IKBKG: variants seen among roughly 807,000 people sequenced by gnomAD.
IKBKG encodes NF-kappa-B essential modulator.
IKBKG carries 2 observed loss-of-function variants against 13.7 expected under a neutral mutation model. The ratio of observed to expected loss-of-function variants is 0.15; its 90% confidence interval spans 0.06 to 0.46. The LOEUF (loss-of-function observed/expected upper bound fraction) is 0.46, where lower values mean the gene tolerates loss of function less well. Among genes scored for constraint, IKBKG ranks in the 20% least tolerant of loss-of-function variants. IKBKG has a pLI of 0.98. For missense variants in IKBKG, 53 were observed against 150.3 expected (o/e 0.35, Z 3.39); for synonymous variants, 22 against 64.4 (o/e 0.34, Z 3.15).
At chrX:154,550,905 C>CA (rs1399176518) in intron 1 of IKBKG, among the ~76,000 whole-genome samples, 4 of 109,914 alleles carry the variant, frequency 3.6e-5, no homozygotes, top group African/African-American at 1.3e-4. Context: ...TCCTGCCTCC[C>CA]GGGTTCACGC....
upstream of IKBKG, among the ~76,000 whole-genome samples, chrX:154,542,993 TG>T (rs2070564877): frequency 8.9e-6 from 1 of 112,164 alleles, no homozygotes; most frequent in East Asian, 2.8e-4. Flanking sequence ...GCTGCTTTCC[TG>T]GAACAGCAGA....
chrX:154,546,131 G>A (rs1273138455), upstream of IKBKG: 3 of 1,210,484 alleles, frequency 2.5e-6, no homozygotes, highest in East Asian at 3.0e-5. Context: ...ACCTGGGTCC[G>A]GCTCAGGGCC....
upstream of IKBKG, among the ~76,000 whole-genome samples, chrX:154,544,357 T>C (rs2070626957): frequency 9.0e-6 from 1 of 110,616 alleles, no homozygotes; most frequent in Non-Finnish European, 1.9e-5. Context: ...AGATGGGGTT[T>C]CACCATGTTG....
intron 1 of IKBKG, among the ~76,000 whole-genome samples, chrX:154,550,184 C>G (rs972697540): frequency 2.8e-5 from 3 of 107,261 alleles, no homozygotes; most frequent in Non-Finnish European, 5.8e-5. Flanking sequence ...GTGATCAGAT[C>G]GGTTGGGGGA....
At chrX:154,546,440 C>T (rs1330755106), upstream of IKBKG, among the ~76,000 whole-genome samples, 1 of 112,296 alleles carries the variant, frequency 8.9e-6, no homozygotes, top group Non-Finnish European at 1.9e-5. Flanking sequence ...CAATTCTGGA[C>T]AACCGAGTAA....
chrX:154,541,656 G>A (rs2070509446), intron 1 of IKBKG, among the ~76,000 whole-genome samples: 1 of 111,908 alleles, frequency 8.9e-6, no homozygotes, highest in Non-Finnish European at 1.9e-5. Context: ...GCAGTTGGGA[G>A]CTTCTCATCT....
chrX:154,555,148 C>T (rs1453113691), intron 2 of IKBKG, among the ~76,000 whole-genome samples: 4 of 111,944 alleles, frequency 3.6e-5, no homozygotes, highest in African/African-American at 1.3e-4. Context: ...GTTCTTGTCT[C>T]TGTTCACTAT....
chrX:154,563,181 G>A (rs1295338926), intron 7 of IKBKG, among the ~76,000 whole-genome samples: 7 of 29,531 alleles, frequency 2.4e-4, no homozygotes, highest in African/African-American at 8.8e-4. Context: ...GGCGCCTGCC[G>A]CCATGCCCGT....
chrX:154,542,236 G>T lies in IKBKG; in HGVS notation c.-186-46G>T, dbSNP rs968332220. On this transcript the variant is annotated intron_variant, in intron 1 of 10. Transcript: ENST00000422680. ...CATCCCTCCCACAGGCCCATCATTG[G>T]GATGCGTCCTGAACGCCCATCAAGC... 5.1e-6 allele frequency: 5 copies of T among 988,440 alleles called. No homozygotes were observed. The African/African-American group carries it at 9.7e-5, about 19-fold the overall frequency. The allele number at this position is 988,440 out of a possible 1,213,427, so 81.5% of individuals were successfully genotyped here. A position where few individuals can be genotyped will look rare whatever the true frequency, so the allele number is the denominator to read the frequency against.
chrX:154,545,919 G>A, upstream of IKBKG: 1 of 925,328 alleles, frequency 1.1e-6, no homozygotes, highest in Non-Finnish European at 1.5e-6. Context: ...TAGCAGGAGC[G>A]GGAGGAGGAG....
chrX:154,545,545 C>T (rs1355069713), upstream of IKBKG, among the ~76,000 whole-genome samples: 3 of 111,837 alleles, frequency 2.7e-5, no homozygotes, highest in Non-Finnish European at 1.9e-5. Context: ...GGTTCAGAAA[C>T]GTCCTGCAGC....
upstream of IKBKG, chrX:154,542,491 C>G (rs2070543724): frequency 1.8e-6 from 2 of 1,140,722 alleles, no homozygotes; most frequent in African/African-American, 1.9e-5. Context: ...GGGTGGGAGT[C>G]CTGAGAAGGC....
upstream of IKBKG, among the ~76,000 whole-genome samples, chrX:154,543,373 A>T: frequency 8.9e-6 from 1 of 112,416 alleles, no homozygotes; most frequent in Non-Finnish European, 1.9e-5. Context: ...GGAAAAGCCT[A>T]AGGACCCTGG....
intron 1 of IKBKG, chrX:154,548,038 A>G (rs1401658150): frequency 1.5e-5 from 11 of 753,877 alleles, no homozygotes; most frequent in Non-Finnish European, 1.7e-5. Context: ...ACTGCGCTCT[A>G]TCGAGGTCGT....
intron 2 of IKBKG, among the ~76,000 whole-genome samples, chrX:154,554,213 G>A (rs1456574937): frequency 8.9e-6 from 1 of 112,231 alleles, no homozygotes; most frequent in African/African-American, 3.2e-5. Flanking sequence ...AGAGATTCAC[G>A]AAGAAGTTGC....
chrX:154,548,205 C>A, intron 1 of IKBKG: 2 of 547,551 alleles, frequency 3.7e-6, no homozygotes, highest in Non-Finnish European at 4.4e-6. Context: ...AGGAATAGCA[C>A]GGAGGTCACT....
At chrX:154,545,894 A>ATGATCC, upstream of IKBKG, 3 of 711,759 alleles carry the variant, frequency 4.2e-6, no homozygotes, top group Non-Finnish European at 6.4e-6. Flanking sequence ...TAGAGCCGGG[A>ATGATCC]TGATCCTGGC....
chrX:154,551,708 C>T (rs782687795), intron 1 of IKBKG, among the ~76,000 whole-genome samples: 5 of 111,223 alleles, frequency 4.5e-5, no homozygotes, highest in African/African-American at 1.6e-4. Flanking sequence ...CTGACATCTC[C>T]CTCCACAAAC....
At chrX:154,546,631 G>A (rs782224016), upstream of IKBKG, among the ~76,000 whole-genome samples, 1 of 111,777 alleles carries the variant, frequency 8.9e-6, no homozygotes, top group Non-Finnish European at 1.9e-5. Flanking sequence ...GGTCTCAGGG[G>A]CTCAAGAGAG....
Sources: allele counts gnomAD v4.1 joint callset (sites outside exome capture counted in the v4.1 genomes callset), GRCh38; gene constraint gnomAD v4.1.1; transcripts MANE v1.5; gene names NCBI Gene and HGNC (gene_info 2026-07-23, HGNC 2026-07-21).